The following PFKL variants were observed in gnomAD, a reference collection of about 807,000 sequenced individuals.
PFKL encodes ATP-dependent 6-phosphofructokinase, liver type.
PFKL carries 74 observed loss-of-function variants against 92.1 expected under a neutral mutation model. The ratio of observed to expected loss-of-function variants is 0.80; its 90% CI spans 0.67 to 0.97. The LOEUF is 0.97. Ranked by LOEUF, PFKL falls within the 50% of genes least tolerant of loss-of-function variation. The probability of loss-of-function intolerance (pLI) is 0.00; values close to 1 mark genes in which losing one functional copy is unlikely to be tolerated. For synonymous variants in PFKL, 494 were observed against 456.4 expected (o/e 1.08, Z -1.05); for missense variants, 1,028 against 1,116.6 (o/e 0.92, Z 1.13).
Position 44,308,640 on chromosome 21 carries a change from C to T in PFKL, c.159+1886C>T, listed in dbSNP as rs570303995. 2.0e-5 allele frequency among the ~76,000 whole-genome samples: 3 copies of T among 150,384 alleles called. No homozygotes were observed. In the Admixed American group the frequency reaches 2.0e-4, roughly 10 times the overall value. ...GCAGTGGCACAATCTTGGCTCGCTG[C>T]AACCTCTGCCTCCCAGGTTCAAGCA... On this transcript the variant is annotated intron_variant, in intron 2 of 21. Coordinates refer to ENST00000349048, the MANE Select transcript of PFKL (RefSeq NM_002626.6).
chr21:44,306,795 C>A (rs1236351613), intron 2 of PFKL, 41 bp downstream of exon 2: 2 of 1,557,236 alleles, frequency 1.3e-6, no homozygotes, highest in Admixed American at 3.4e-5. Flanking sequence ...GGAGTGGGGA[C>A]CTCCTGAGGC....
chr21:44,324,856 G>A lies in PFKL; in HGVS notation c.1816G>A (p.Val606Ile). 4 of 1,607,866 alleles carry A rather than the reference G, an allele frequency of 2.5e-6. No homozygotes were observed. The East Asian group carries it at 6.7e-5, about 27-fold the overall frequency. Residue 606 changes from valine to isoleucine, a missense_variant and splice_region_variant, in exon 18 of 22, where the codon GTC (valine) becomes ATC (isoleucine). By Grantham distance (29) the Val-to-Ile change is conservative. Transcript: ENST00000349048. Reference protein sequence around the residue: ...EDPFNIHDLKVNVEHMTEKMK... With the variant: ...EDPFNIHDLKINVEHMTEKMK... ...TCATCCGTGTCCGCCCCTCCCGCAG[G>A]TCAACGTGGAGCACATGACGGAGAA...
Position 44,316,429 on chromosome 21 carries a change from C to T in PFKL, c.844-3C>T, listed in dbSNP as rs1242360801. Reference sequence around the variant, plus strand: ...AGGGCTGGTCCTTCCCACTGTCCTGCAGCTGGTGGTTCAGAGGCTGGGCTT... The same window carrying T: ...AGGGCTGGTCCTTCCCACTGTCCTGTAGCTGGTGGTTCAGAGGCTGGGCTT... On this transcript the variant is annotated splice_region_variant and splice_polypyrimidine_tract_variant and intron_variant, in intron 8 of 21. Transcript: ENST00000349048. 1.2e-6 allele frequency: 2 copies of T among 1,612,142 alleles called. No homozygotes were observed. Among genetic ancestry groups the T allele is most frequent in the Non-Finnish European group, 1.7e-6 (2 of 1,179,080 alleles).
Position 44,326,041 on chromosome 21 carries a change from GCGCGAGGTTTA to G in PFKL, c.2072_2082del (p.Arg691ProfsTer30). On this transcript the variant is annotated frameshift_variant, in exon 20 of 22. Coordinates refer to ENST00000349048, the MANE Select transcript of PFKL (RefSeq NM_002626.6). LOFTEE classifies it high-confidence loss of function. ...CCATGCTGTGGTTGTCGGAGAAGCT[GCGCGAGGTTTA>G]CCGCAAGGGTAGGTGGTGGGTGCGA... 1 of 1,613,830 alleles carries G rather than the reference GCGCGAGGTTTA, an allele frequency of 6.2e-7. No individual in the cohort carries two copies. Among genetic ancestry groups the G allele is most frequent in the Non-Finnish European group, 8.5e-7 (1 of 1,179,972 alleles).
chr21:44,316,548 G>C, intron 9 of PFKL, 24 bp downstream of exon 9: 1 of 1,545,254 alleles, frequency 6.5e-7, no homozygotes, highest in Admixed American at 1.7e-5. Flanking sequence ...ACCCTGCCCT[G>C]CGTACGTGCG....
chr21:44,308,488 C>T (rs2146437924), intron 2 of PFKL, among the ~76,000 whole-genome samples: 1 of 151,416 alleles, frequency 6.6e-6, no homozygotes, highest in South Asian at 2.1e-4. Context: ...AGAGGTAGGG[C>T]GAAGATGCTG....
intron 2 of PFKL, among the ~76,000 whole-genome samples, chr21:44,310,262 G>A (rs1407721127): frequency 1.3e-5 from 2 of 152,262 alleles, no homozygotes; most frequent in Non-Finnish European, 2.9e-5. Context: ...AGGCTGTGCA[G>A]GTGCCATCTG....
In PFKL at chr21:44,312,293, A is replaced by AGGTGG; in HGVS notation, c.427+1_427+5dup. The AGGTGG allele has an allele frequency of 6.3e-7, 1 of 1,588,658 alleles. No homozygotes were observed. On this transcript the variant is annotated frameshift_variant and splice_region_variant, in exon 4 of 22. Coordinates refer to ENST00000349048, the MANE Select transcript of PFKL (RefSeq NM_002626.6). LOFTEE classifies it high-confidence loss of function. ...GCCTGCTGGAGGAGCTGGTGGCGGAAGGTGGGTCTGTGCCCGGCGCACTGT... is the reference window on the plus strand; with the variant it reads ...GCCTGCTGGAGGAGCTGGTGGCGGAAGGTGGGGTGGGTCTGTGCCCGGCGCACTGT...
rs777075663 is a variant in PFKL, at chr21:44,325,183, G to A, written c.1908G>A (p.Thr636=). ...AGAAGTGCCATGACTACTACACCAC[G>A]GAGTTCCTGTACAACCTGTACTCAT... ...RNEKCHDYYT[T]EFLYNLYSSE... Residue 636 remains threonine, a synonymous_variant, in exon 19 of 22, where the codon ACG becomes ACA. Transcript: ENST00000349048. 62 of 1,612,862 alleles carry A rather than the reference G, an allele frequency of 3.8e-5. No homozygotes were observed. Among genetic ancestry groups the A allele is most frequent in the Middle Eastern group, 3.3e-4 (2 of 6,058 alleles).
chr21:44,305,461 A>C (rs1332468903), intron 1 of PFKL: 89 of 626,318 alleles, frequency 1.4e-4, no homozygotes, highest in Non-Finnish European at 2.1e-4. Flanking sequence ...GTGGGAGGGC[A>C]GGGGCTTTTG....
chr21:44,318,578 A>C lies in PFKL; in HGVS notation c.1045A>C (p.Met349Leu). The C allele has an allele frequency of 6.5e-7, 1 of 1,535,764 alleles. No individual in the cohort carries two copies. The highest frequency in any genetic ancestry group is 8.8e-7 in the Non-Finnish European group (1 of 1,131,494). The change falls in exon 10 of 22, where the codon ATG becomes CTG. Residue 349 changes from methionine (M) to leucine (L), a missense_variant. Met to Leu is a conservative substitution (Grantham distance 15). Transcript: ENST00000349048. Reference protein sequence around the residue: ...SGNQSVRLPLMECVQMTKEVQ... With the variant: ...SGNQSVRLPLLECVQMTKEVQ... ...GAACCAGTCAGTGCGGCTGCCCCTC[A>C]TGGAGTGCGTGCAGATGGTAAGCCC...
At position 44,323,811 on chromosome 21, in the gene PFKL, G is replaced by A. The variant is rs140302361; in HGVS notation, c.1543G>A (p.Glu515Lys). Reference sequence around the variant, plus strand: ...GCTGGTGGAGGCTCGCGGGCGCTACGAGGAGCTCTGCATCGTCATGTGTGT... The same window carrying A: ...GCTGGTGGAGGCTCGCGGGCGCTACAAGGAGCTCTGCATCGTCATGTGTGT... ...LQLVEARGRY[E>K]ELCIVMCVIP... The change falls in exon 16 of 22, where the codon GAG becomes AAG. Residue 515 changes from glutamate (E) to lysine (K), a missense_variant. By Grantham distance (56) the Glu-to-Lys change is moderately conservative. Transcript: ENST00000349048. 4.6e-5 allele frequency: 74 copies of A among 1,612,956 alleles called. No individual in the cohort carries two copies. The African/African-American group carries it at 7.3e-4, about 16-fold the overall frequency.
At position 44,327,195 on chromosome 21, in the gene PFKL, C is replaced by A. The variant is rs2047538995; in HGVS notation, c.*333C>A. On this transcript the variant is annotated 3_prime_UTR_variant, in exon 22 of 22. Transcript: ENST00000349048. ...CCTCAGCGTCTCCCCATGCTGGGCT[C>A]ACTACATGGGCCAGCCCTTGCTCTA... The A allele has an allele frequency of 2.6e-6, 1 of 390,616 alleles. No homozygotes were observed. Among genetic ancestry groups the A allele is most frequent in the African/African-American group, 2.0e-5 (1 of 49,542 alleles). 24.2% of individuals were successfully genotyped at this position (390,616 alleles called of 1,614,324 possible).
rs753170741 is a variant in PFKL, at chr21:44,324,875, C to CGGAGAAGATGAAGACAGACAT, written c.1836_1856dup (p.Asp618_Ile619insMetGluLysMetLysThrAsp). Reference sequence around the variant, plus strand: ...CCGCAGGTCAACGTGGAGCACATGACGGAGAAGATGAAGACAGACATTCAG... The same window carrying CGGAGAAGATGAAGACAGACAT: ...CCGCAGGTCAACGTGGAGCACATGACGGAGAAGATGAAGACAGACATGGAGAAGATGAAGACAGACATTCAG... On this transcript the variant is annotated inframe_insertion, in exon 18 of 22. Transcript: ENST00000349048. 57 of 1,608,650 alleles carry CGGAGAAGATGAAGACAGACAT rather than the reference C, an allele frequency of 3.5e-5. No individual in the cohort carries two copies. The highest frequency in any genetic ancestry group is 1.6e-4 in the Middle Eastern group (1 of 6,080).
At chr21:44,326,396 G>A in intron 21 of PFKL, 132 bp downstream of exon 21, 1 of 718,940 alleles carries the variant, frequency 1.4e-6, no homozygotes, top group South Asian at 1.8e-5. Flanking sequence ...CCCATGCCCA[G>A]GTCCCCGCCA....
intron 1 of PFKL, chr21:44,304,496 G>A (rs2040871225): frequency 3.5e-6 from 4 of 1,157,086 alleles, no homozygotes; most frequent in African/African-American, 3.3e-5. Context: ...TGCAGGGAGG[G>A]CGAGGGAGGG....
At chr21:44,322,622 A>C (rs955962932) in intron 14 of PFKL, among the ~76,000 whole-genome samples, 2 of 152,180 alleles carry the variant, frequency 1.3e-5, no homozygotes, top group African/African-American at 4.8e-5. Context: ...GTCCTGAGCC[A>C]CTGAGTGGCT....
At chr21:44,323,978 C>G (rs1464364457) in intron 16 of PFKL, 60 bp downstream of exon 16, 1 of 1,591,642 alleles carries the variant, frequency 6.3e-7, no homozygotes, top group South Asian at 1.1e-5. Context: ...GGGGCTGAGC[C>G]TACGGAGGCT....
Position 44,326,031 on chromosome 21 carries a change from C to A in PFKL, c.2060C>A (p.Ser687Ter). ...KLGVKAMLWL[S>*]EKLREVYRKG... ...GGGGTGAAGGCCATGCTGTGGTTGT[C>A]GGAGAAGCTGCGCGAGGTTTACCGC... Residue 687 changes from serine (S) to a stop codon, truncating the protein, a stop_gained, in exon 20 of 22, where the codon TCG becomes TAG. Coordinates refer to ENST00000349048, the MANE Select transcript of PFKL (RefSeq NM_002626.6). LOFTEE classifies it high-confidence loss of function. 6.2e-7 allele frequency: 1 copy of A among 1,613,832 alleles called. No individual in the cohort carries two copies. Among genetic ancestry groups the A allele is most frequent in the South Asian group, 1.1e-5 (1 of 91,088 alleles).
Sources: gnomAD v4.1 joint callset for allele counts (sites outside exome capture counted in the v4.1 genomes callset) on GRCh38, gnomAD v4.1.1 for gene constraint, MANE v1.5 for transcripts, NCBI Gene and HGNC (gene_info 2026-07-23, HGNC 2026-07-21) for gene names.